EXPH5: variants seen among roughly 807,000 people sequenced by gnomAD.
EXPH5 encodes exophilin-5.
Under a neutral mutation model 41.1 loss-of-function variants are expected in EXPH5, and 42 were observed. The ratio of observed to expected loss-of-function variants is 1.02; its 90% confidence interval spans 0.80 to 1.32. The LOEUF (loss-of-function observed/expected upper bound fraction) is 1.32, where lower values mean the gene tolerates loss of function less well. Ranked by LOEUF, EXPH5 falls within the 40% of genes most tolerant of loss-of-function variation. The pLI is 0.00. For missense variants in EXPH5, 2,298 were observed against 2,314.5 expected, an observed-to-expected ratio of 0.99 and a Z score of 0.15; for synonymous variants, 798 against 833.5, an observed-to-expected ratio of 0.96 and a Z score of 0.73.
rs1435879063 is a variant in EXPH5, at chr11:108,593,343, T to C, written c.119+75A>G. 2.2e-6 allele frequency: 3 copies of C among 1,366,492 alleles called. No homozygotes were observed. The African/African-American group carries it at 4.3e-5, about 20-fold the overall frequency. 84.6% of individuals were successfully genotyped at this position (1,366,492 alleles called of 1,614,324 possible). ...CCCCGGGCAGGTGCCCCGCGCGAGC[T>C]CAGCGCCTTCCCCGCGGATCCCCGG... On this transcript the variant is annotated intron_variant, in intron 1 of 5. Transcript: ENST00000265843.
chr11:108,563,247 T>G (rs1375984179), intron 1 of EXPH5, among the ~76,000 whole-genome samples: 1 of 152,168 alleles, frequency 6.6e-6, no homozygotes, highest in Non-Finnish European at 1.5e-5. Context: ...CTGGAGAAAC[T>G]GGGGCCTGCC....
intron 3 of EXPH5, chr11:108,538,174 T>G: frequency 1.0e-6 from 1 of 985,514 alleles, no homozygotes; most frequent in Non-Finnish European, 1.2e-6. Context: ...GCCTCTTGTT[T>G]CTCAGCGACA....
intron 3 of EXPH5, among the ~76,000 whole-genome samples, chr11:108,536,216 G>A (rs117706999): frequency 0.015 from 2,317 of 151,962 alleles, 24 homozygotes; most frequent in Non-Finnish European, 0.025. Context: ...GACAGTTTGG[G>A]AAGTGTATAT....
chr11:108,538,199 C>A (rs1348991329), intron 3 of EXPH5: 3 of 985,370 alleles, frequency 3.0e-6, no homozygotes, highest in Admixed American at 6.2e-5. Context: ...CCTCCAACAC[C>A]TTTTATTTAG....
At chr11:108,528,772 G>A (rs886767077) in intron 3 of EXPH5, among the ~76,000 whole-genome samples, 4 of 138,372 alleles carry the variant, frequency 2.9e-5, no homozygotes, top group Non-Finnish European at 6.0e-5. Flanking sequence ...GCATAATCTC[G>A]GCTCACTGCA....
At chr11:108,528,087 C>T (rs1371447138) in intron 4 of EXPH5, 49 bp downstream of exon 4, 1 of 1,259,546 alleles carries the variant, frequency 7.9e-7, no homozygotes, top group Admixed American at 1.7e-5. Context: ...CCTGGGATTA[C>T]ATAAATTCTG....
chr11:108,559,723 G>A (rs2094003931), intron 1 of EXPH5, among the ~76,000 whole-genome samples: 1 of 151,956 alleles, frequency 6.6e-6, no homozygotes, highest in Non-Finnish European at 1.5e-5. Flanking sequence ...TCTTATTCTT[G>A]GAATCTGTCT....
chr11:108,600,231 A>G, the EXPH5 span, among the ~76,000 whole-genome samples: 15 of 152,316 alleles, frequency 9.8e-5, no homozygotes, highest in South Asian at 3.1e-3. Flanking sequence ...TCCTTTCTCC[A>G]TCAACAGCCT....
chr11:108,517,118 C>T (rs1455724975), intron 5 of EXPH5, among the ~76,000 whole-genome samples: 1 of 152,110 alleles, frequency 6.6e-6, no homozygotes, highest in Admixed American at 6.5e-5. Context: ...CTAGAGGTAA[C>T]CATTCTTAAC....
intron 1 of EXPH5, among the ~76,000 whole-genome samples, chr11:108,550,808 T>C (rs2093960680): frequency 6.6e-6 from 1 of 151,672 alleles, no homozygotes; most frequent in Admixed American, 6.6e-5. Flanking sequence ...AAATAAAAAA[T>C]AAAAATAAAA....
intron 3 of EXPH5, among the ~76,000 whole-genome samples, chr11:108,535,841 T>C (rs1482487299): frequency 6.6e-6 from 1 of 152,132 alleles, no homozygotes; most frequent in East Asian, 1.9e-4. Context: ...CTGGAATAAC[T>C]GGGGGTCTGG....
At chr11:108,596,077 C>A (rs182898365), upstream of EXPH5, among the ~76,000 whole-genome samples, 8 of 152,158 alleles carry the variant, frequency 5.3e-5, no homozygotes, top group Non-Finnish European at 8.8e-5. Flanking sequence ...CACCTGTAGT[C>A]CCAGCTACTC....
At position 108,541,502 on chromosome 11, in the gene EXPH5, T is replaced by C. The variant is rs375204204; in HGVS notation, c.280+150A>G. The stretch of plus-strand genomic sequence containing the variant: ...ATTTCAGTTCACTTTTTTTTTTTAG[T>C]GTATATTGTATTATAAACTTTTGTG... On this transcript the variant is annotated intron_variant, in intron 2 of 5. Transcript: ENST00000265843. The C allele has an allele frequency of 1.3e-3, 618 of 484,666 alleles. 2 individuals are homozygous for C. The highest frequency in any genetic ancestry group is 0.012 in the African/African-American group (585 of 49,616). The allele number at this position is 484,666 out of a possible 1,614,324, so 30.0% of individuals were successfully genotyped here.
At chr11:108,576,785 A>G (rs1245398767) in intron 1 of EXPH5, among the ~76,000 whole-genome samples, 1 of 152,200 alleles carries the variant, frequency 6.6e-6, no homozygotes, top group Non-Finnish European at 1.5e-5. Context: ...ACAATAAATT[A>G]TAAACTCGTT....
chr11:108,512,712 T>C lies in EXPH5; in HGVS notation c.2795A>G (p.Lys932Arg). ...EEKDNAGKNQKNQFIVSHSEN... is the reference protein window; with the variant it reads ...EEKDNAGKNQRNQFIVSHSEN... ...TGAGTGGCTTACAATAAACTGATTC[T>C]TTTGGTTCTTCCCAGCATTGTCTTT... Residue 932 changes from lysine (K) to arginine (R), a missense_variant, in exon 6 of 6, where the codon AAG becomes AGG. Transcript: ENST00000265843. 6.2e-7 allele frequency: 1 copy of C among 1,614,088 alleles called. No individual in the cohort carries two copies.
chr11:108,536,835 G>A (rs369634981), intron 3 of EXPH5, among the ~76,000 whole-genome samples: 4 of 152,204 alleles, frequency 2.6e-5, no homozygotes, highest in South Asian at 2.1e-4. Context: ...GAATTCTTTC[G>A]CCTTGTATTG....
chr11:108,598,194 A>T (rs767545138), upstream of EXPH5, among the ~76,000 whole-genome samples: 4 of 152,228 alleles, frequency 2.6e-5, no homozygotes, highest in Non-Finnish European at 5.9e-5. Context: ...AGACATGTGA[A>T]GAACTTACGT....
chr11:108,510,135 A>G lies in EXPH5; in HGVS notation c.5372T>C (p.Leu1791Pro). The G allele has an allele frequency of 6.2e-7, 1 of 1,613,934 alleles. No individual in the cohort carries two copies. The highest frequency in any genetic ancestry group is 8.5e-7 in the Non-Finnish European group (1 of 1,180,034). ...GCTTTTTAAACTCTTTGAACGATAG[A>G]GGTGTGGCTCAGGTTCCCACTCCAG... ...SSLEWEPEPH[L>P]YRSKSLKSIN... Residue 1791 changes from leucine to proline, a missense_variant, in exon 6 of 6, where the codon CTC becomes CCC. Leu to Pro is a moderately conservative substitution (Grantham distance 98). Transcript: ENST00000265843.
chr11:108,597,228 C>T (rs564218932), upstream of EXPH5, among the ~76,000 whole-genome samples: 1 of 152,232 alleles, frequency 6.6e-6, no homozygotes, highest in Non-Finnish European at 1.5e-5. Flanking sequence ...GATGGAGTCT[C>T]ACTCTGTTGG....
Sources: gnomAD v4.1 joint callset for allele counts (sites outside exome capture counted in the v4.1 genomes callset) on GRCh38, gnomAD v4.1.1 for gene constraint, MANE v1.5 for transcripts, NCBI Gene and HGNC (gene_info 2026-07-23, HGNC 2026-07-21) for gene names.